The following SETBP1 variants were observed in gnomAD, a reference collection of about 807,000 sequenced individuals.
SETBP1 encodes the protein SET binding protein 1, also known as SET-binding protein.
Under a neutral mutation model 101.0 loss-of-function variants are expected in SETBP1, and 9 were observed. The observed-to-expected ratio is 0.09, with a 90% CI of 0.05 to 0.16. The LOEUF is 0.16. Among genes scored for constraint, SETBP1 ranks in the 10% least tolerant of loss-of-function variants. SETBP1 has a pLI of 1.00. For synonymous variants in SETBP1, 818 were observed against 788.5 expected (o/e 1.04, Z -0.63); for missense variants, 1,858 against 2,033.8 (o/e 0.91, Z 1.66).
intron 3 of SETBP1, among the ~76,000 whole-genome samples, chr18:44,878,846 G>A (rs2144727781): frequency 6.6e-6 from 1 of 152,234 alleles, no homozygotes; most frequent in African/African-American, 2.4e-5. Flanking sequence ...AAAAGAGAGG[G>A]GCCCTCATAG....
At chr18:44,769,116 C>T (rs994442934) in intron 2 of SETBP1, among the ~76,000 whole-genome samples, 9 of 152,160 alleles carry the variant, frequency 5.9e-5, no homozygotes, top group Admixed American at 3.3e-4. Flanking sequence ...CTGGGGCTTG[C>T]TTTTGGTTTG....
chr18:44,984,784 A>T (rs1444133464), intron 4 of SETBP1, among the ~76,000 whole-genome samples: 1 of 152,172 alleles, frequency 6.6e-6, no homozygotes, highest in Non-Finnish European at 1.5e-5. Flanking sequence ...CCTTGCAGTG[A>T]TTTAAAGTTT....
chr18:44,988,055 T>C (rs1297773199), intron 4 of SETBP1: 2 of 152,200 alleles, frequency 1.3e-5, no homozygotes, highest in Non-Finnish European at 2.9e-5. Flanking sequence ...AGCTACATAG[T>C]TCTTTTAGAA....
chr18:44,786,638 C>G (rs575903810), intron 2 of SETBP1, among the ~76,000 whole-genome samples: 2 of 152,288 alleles, frequency 1.3e-5, no homozygotes, highest in East Asian at 3.9e-4. Flanking sequence ...ATTTGAAGCT[C>G]TCTCTAAGAC....
intron 2 of SETBP1, among the ~76,000 whole-genome samples, chr18:44,822,960 A>G (rs934621169): frequency 3.3e-5 from 5 of 152,222 alleles, no homozygotes; most frequent in African/African-American, 1.2e-4. Flanking sequence ...CCTGGCCAAC[A>G]TGGGGAAACC....
chr18:44,684,592 T>TC (rs1301859142), intron 1 of SETBP1, among the ~76,000 whole-genome samples: 1 of 151,748 alleles, frequency 6.6e-6, no homozygotes, highest in Non-Finnish European at 1.5e-5. Flanking sequence ...AAGGTTTTTT[T>TC]TTTTTTTTTG....
chr18:45,037,183 T>A (rs1160819978), intron 4 of SETBP1, among the ~76,000 whole-genome samples: 1 of 152,182 alleles, frequency 6.6e-6, no homozygotes, highest in Non-Finnish European at 1.5e-5. Context: ...GTTAGTGTTA[T>A]GTAGCCTGCA....
chr18:44,991,628 C>T (rs2072380310), intron 4 of SETBP1, among the ~76,000 whole-genome samples: 1 of 152,052 alleles, frequency 6.6e-6, no homozygotes, highest in Admixed American at 6.6e-5. Context: ...TGCATAATAA[C>T]ATAGTTTACA....
At chr18:44,918,466 T>C (rs2070499237) in intron 3 of SETBP1, among the ~76,000 whole-genome samples, 1 of 152,208 alleles carries the variant, frequency 6.6e-6, no homozygotes, top group Non-Finnish European at 1.5e-5. Context: ...ATGGAATTTA[T>C]CCTACCTGGC....
At chr18:44,991,688 G>T (rs570264748) in intron 4 of SETBP1, among the ~76,000 whole-genome samples, 18 of 152,020 alleles carry the variant, frequency 1.2e-4, no homozygotes, top group Non-Finnish European at 2.2e-4. Flanking sequence ...CTTGATCTTC[G>T]AATGGAACAT....
chr18:44,960,149 G>A (rs1478830286), intron 4 of SETBP1, among the ~76,000 whole-genome samples: 1 of 150,840 alleles, frequency 6.6e-6, no homozygotes, highest in Non-Finnish European at 1.5e-5. Context: ...CTCCCGCCTC[G>A]GCCACCTAAA....
intron 2 of SETBP1, among the ~76,000 whole-genome samples, chr18:44,789,790 C>T (rs2071331600): frequency 6.6e-6 from 1 of 152,186 alleles, no homozygotes; most frequent in Non-Finnish European, 1.5e-5. Context: ...TAAACTCACT[C>T]CTCCCACATT....
chr18:44,890,736 A>C (rs986977337), intron 3 of SETBP1, among the ~76,000 whole-genome samples: 2 of 152,096 alleles, frequency 1.3e-5, no homozygotes, highest in Admixed American at 6.6e-5. Context: ...TGATTTTTGC[A>C]TTTTATTTTT....
At chr18:45,049,041 C>T (rs1247782010) in intron 5 of SETBP1, among the ~76,000 whole-genome samples, 1 of 139,130 alleles carries the variant, frequency 7.2e-6, no homozygotes, top group African/African-American at 2.7e-5. Context: ...GGAGCTTTAA[C>T]ACTACGTGGG....
chr18:45,035,101 C>G (rs2073370851), intron 4 of SETBP1, among the ~76,000 whole-genome samples: 1 of 152,106 alleles, frequency 6.6e-6, no homozygotes, highest in Admixed American at 6.6e-5. Flanking sequence ...ATGCACTCTC[C>G]CAAGGACCAG....
At chr18:45,026,349 A>G (rs2073164560) in intron 4 of SETBP1, among the ~76,000 whole-genome samples, 1 of 152,186 alleles carries the variant, frequency 6.6e-6, no homozygotes, top group South Asian at 2.1e-4. Flanking sequence ...CGATCCAAGG[A>G]CATGACTAGT....
intron 2 of SETBP1, among the ~76,000 whole-genome samples, chr18:44,754,247 A>G (rs919646882): frequency 4.6e-5 from 7 of 152,224 alleles, no homozygotes; most frequent in Admixed American, 2.6e-4. Context: ...ATATTTAAAT[A>G]TACCTTAAAT....
At chr18:44,797,938 G>A (rs2071518118) in intron 2 of SETBP1, among the ~76,000 whole-genome samples, 1 of 152,134 alleles carries the variant, frequency 6.6e-6, no homozygotes, top group Non-Finnish European at 1.5e-5. Context: ...ATAGAGCTTG[G>A]CAGGTGGATT....
intron 3 of SETBP1, among the ~76,000 whole-genome samples, chr18:44,938,325 A>C (rs1354913445): frequency 6.6e-6 from 1 of 152,218 alleles, no homozygotes; most frequent in Non-Finnish European, 1.5e-5. Flanking sequence ...AAACTTCCTG[A>C]TTGAGGTTCT....
Sources: gnomAD v4.1 joint callset for allele counts (sites outside exome capture counted in the v4.1 genomes callset) on GRCh38, gnomAD v4.1.1 for gene constraint, MANE v1.5 for transcripts, NCBI Gene and HGNC (gene_info 2026-07-23, HGNC 2026-07-21) for gene names.